Variants in RTF2 observed in about 807,000 individuals in gnomAD.
The protein encoded by RTF2 is replication termination factor 2, also known as UPF0549 protein C20orf43.
RTF2 carries 18 observed loss-of-function variants against 38.0 expected under a neutral mutation model. That is an observed-to-expected ratio of 0.47 (90% CI 0.33 to 0.70). RTF2 has a LOEUF of 0.70. Among genes scored for constraint, RTF2 ranks in the 30% least tolerant of loss-of-function variants. RTF2 has a pLI of 0.02. For missense variants in RTF2, 311 were observed against 379.6 expected (o/e 0.82, Z 1.50); for synonymous variants, 126 against 137.1 (o/e 0.92, Z 0.57).
intron 5 of RTF2, among the ~76,000 whole-genome samples, chr20:56,502,576 G>A (rs1329469166): frequency 8.5e-5 from 13 of 152,062 alleles, no homozygotes; most frequent in Non-Finnish European, 1.5e-5. Context: ...CTCTTTCGTT[G>A]CATTTTTTAT....
intron 5 of RTF2, chr20:56,491,554 TC>T (rs1161659785): frequency 8.5e-6 from 13 of 1,527,148 alleles, no homozygotes; most frequent in Non-Finnish European, 1.2e-5. Context: ...AAGCAAACAC[TC>T]CCTAGCGGTT....
intron 5 of RTF2, among the ~76,000 whole-genome samples, chr20:56,494,339 G>A (rs732281): frequency 0.4 from 61,106 of 151,970 alleles, 13,277 homozygotes; most frequent in East Asian, 0.93. Flanking sequence ...TGATTTCATT[G>A]AGAATTCTGA....
intron 5 of RTF2, among the ~76,000 whole-genome samples, chr20:56,499,289 C>T (rs527641358): frequency 1.7e-4 from 26 of 151,480 alleles, no homozygotes; most frequent in African/African-American, 5.6e-4. Context: ...CTCCGCCTCC[C>T]GGGTTCAAGC....
chr20:56,483,969 C>A, intron 4 of RTF2, 142 bp from the exon 5 acceptor site: 1 of 540,652 alleles, frequency 1.8e-6, no homozygotes, highest in South Asian at 3.5e-5. Flanking sequence ...TGCCCCTTTT[C>A]TATGAGAACG....
At chr20:56,491,688 T>C (rs771395763) in intron 5 of RTF2, 25 of 1,552,232 alleles carry the variant, frequency 1.6e-5, no homozygotes, top group South Asian at 8.3e-5. Flanking sequence ...AGCGGGTCTG[T>C]CGAGGGTTCG....
rs745770549 is a variant in RTF2, at chr20:56,508,120, G to A, written c.478-5195G>A. Among the ~76,000 whole-genome samples, 26 of 152,226 alleles carry A rather than the reference G, an allele frequency of 1.7e-4. 1 individual carries two copies. Among genetic ancestry groups the A allele is most frequent in the Non-Finnish European group, 3.2e-4 (22 of 68,012 alleles). ...GGGTCAAAAAGGTATCTTCAGTCAC[G>A]AAAATTTACCAGACCCACCCTAGAA... On this transcript the variant is annotated intron_variant, in intron 5 of 8. Coordinates refer to ENST00000357348, the MANE Select transcript of RTF2 (RefSeq NM_016407.5).
intron 5 of RTF2, among the ~76,000 whole-genome samples, chr20:56,494,119 C>T (rs982768777): frequency 6.6e-6 from 1 of 152,118 alleles, no homozygotes; most frequent in Non-Finnish European, 1.5e-5. Context: ...GAAGATTTAC[C>T]ACCTCCCTAC....
chr20:56,498,883 G>C (rs1256500157), intron 5 of RTF2, among the ~76,000 whole-genome samples: 1 of 152,156 alleles, frequency 6.6e-6, no homozygotes, highest in East Asian at 1.9e-4. Context: ...CTGGTCCCTT[G>C]CCTTTCCACA....
At chr20:56,491,847 A>C (rs879208110) in intron 5 of RTF2, 3 of 1,225,288 alleles carry the variant, frequency 2.4e-6, no homozygotes, top group Non-Finnish European at 3.5e-6. Flanking sequence ...TCACACACAG[A>C]AAGTGGCGCA....
intron 1 of RTF2, chr20:56,472,529 T>C: frequency 1.8e-6 from 1 of 565,126 alleles, no homozygotes; most frequent in Non-Finnish European, 3.2e-6. Flanking sequence ...TTATTTCTGT[T>C]AAATTGAACA....
chr20:56,490,316 C>T lies in RTF2; in HGVS notation c.477+6127C>T, dbSNP rs142454026. On this transcript the variant is annotated intron_variant, in intron 5 of 8. Transcript: ENST00000357348. ...TGTATGTTGTGCTGTTTAATTGTCA[C>T]GCACTTCAGTTTCATATGATGCTGT... 8.3e-3 allele frequency among the ~76,000 whole-genome samples: 1,267 copies of T among 152,284 alleles called. 35 individuals carry two copies. The highest frequency in any genetic ancestry group is 0.059 in the Admixed American group (906 of 15,296).
intron 5 of RTF2, 31 bp from the exon 6 acceptor site, chr20:56,513,284 G>A: frequency 1.3e-6 from 2 of 1,566,318 alleles, no homozygotes; most frequent in Non-Finnish European, 1.7e-6. Context: ...ACTGGTGATG[G>A]AATCTGCCCT....
chr20:56,469,609 TTG>T (rs2146309948), intron 1 of RTF2, among the ~76,000 whole-genome samples: 1 of 152,358 alleles, frequency 6.6e-6, no homozygotes, highest in African/African-American at 2.4e-5. Flanking sequence ...ACAAAAATAT[TTG>T]TAAAGCACAC....
intron 5 of RTF2, among the ~76,000 whole-genome samples, chr20:56,501,058 T>G (rs543288162): frequency 1.7e-4 from 26 of 152,288 alleles, no homozygotes; most frequent in Admixed American, 1.6e-3. Context: ...ATACACACAA[T>G]GTATCAGCAC....
intron 4 of RTF2, among the ~76,000 whole-genome samples, chr20:56,479,531 C>T (rs1982423769): frequency 6.6e-6 from 1 of 152,178 alleles, no homozygotes; most frequent in Non-Finnish European, 1.5e-5. Flanking sequence ...GGCCAAATCA[C>T]AGATGTTCTT....
rs185997369 is a variant in RTF2 at position 56,477,814 on chromosome 20, A to G, written c.398+690A>G. Among the ~76,000 whole-genome samples, 410 of 152,344 alleles carry G rather than the reference A, an allele frequency of 2.7e-3. 1 individual carries two copies. The highest frequency in any genetic ancestry group is 9.5e-3 in the African/African-American group (396 of 41,588). ...GCCACTGCACCTGATTACAAATGCC[A>G]AAAGTTATGCAGTAACAGGCAGAGT... is the stretch of plus-strand genomic sequence containing the variant. On this transcript the variant is annotated intron_variant, in intron 4 of 8. Transcript: ENST00000357348.
chr20:56,482,201 T>A (rs1302718109), intron 4 of RTF2, among the ~76,000 whole-genome samples: 1 of 152,252 alleles, frequency 6.6e-6, no homozygotes, highest in South Asian at 2.1e-4. Flanking sequence ...TGTGGGAGAT[T>A]GGTTCCAAGA....
chr20:56,509,212 C>T (rs1186025753), intron 5 of RTF2, among the ~76,000 whole-genome samples: 1 of 152,136 alleles, frequency 6.6e-6, no homozygotes, highest in Non-Finnish European at 1.5e-5. Context: ...AGAAGGTATA[C>T]AGATGGTCAG....
chr20:56,495,041 T>G (rs560055155), intron 5 of RTF2, among the ~76,000 whole-genome samples: 29 of 152,334 alleles, frequency 1.9e-4, no homozygotes, highest in Admixed American at 7.8e-4. Context: ...ATATAAAAAG[T>G]TTTTTTAAAA....
Sources: gnomAD v4.1 joint callset for allele counts (sites outside exome capture counted in the v4.1 genomes callset) on GRCh38, gnomAD v4.1.1 for gene constraint, MANE v1.5 for transcripts, NCBI Gene and HGNC (gene_info 2026-07-23, HGNC 2026-07-21) for gene names.